Variants in SCARB1 observed in about 807,000 individuals in gnomAD.
SCARB1 encodes the protein scavenger receptor class B member 1.
A neutral mutation model predicts 57.2 loss-of-function variants in SCARB1; 30 were observed. The observed-to-expected ratio is 0.52, with a 90% CI of 0.39 to 0.71. The LOEUF (loss-of-function observed/expected upper bound fraction) is 0.71. SCARB1 is among the 30% of genes least tolerant of loss of function. The probability of loss-of-function intolerance (pLI) is 0.00; values close to 1 mark genes in which losing one functional copy is unlikely to be tolerated. For missense variants in SCARB1, 543 were observed against 671.2 expected (o/e 0.81, Z 2.11); for synonymous variants, 249 against 268.3 (o/e 0.93, Z 0.70).
At chr12:124,843,292 G>C (rs971861354) in intron 1 of SCARB1, among the ~76,000 whole-genome samples, 1 of 119,072 alleles carries the variant, frequency 8.4e-6, no homozygotes, top group African/African-American at 2.7e-5. Flanking sequence ...TGTGGAGATG[G>C]GGGGGGGGGT....
At chr12:124,857,403 G>C (rs1449429351) in intron 1 of SCARB1, among the ~76,000 whole-genome samples, 5 of 152,246 alleles carry the variant, frequency 3.3e-5, no homozygotes, top group African/African-American at 1.2e-4. Flanking sequence ...TTCCCAAAAG[G>C]CACAAACTCA....
At chr12:124,834,503 A>G (rs1443964008) in intron 1 of SCARB1, among the ~76,000 whole-genome samples, 1 of 152,194 alleles carries the variant, frequency 6.6e-6, no homozygotes. Flanking sequence ...TTACTGCCCT[A>G]CAGAACGACT....
In SCARB1 at chr12:124,815,031, G is replaced by A. The variant is rs914728634; in HGVS notation, c.368C>T (p.Pro123Leu). The change falls in exon 3 of 13, where the codon CCC becomes CTC. Residue 123 changes from proline to leucine, a missense_variant. Pro to Leu is a moderately conservative substitution (Grantham distance 98). Coordinates refer to ENST00000261693, the MANE Select transcript of SCARB1 (RefSeq NM_005505.5). ...GCTCTCCGAGCCGTGGGACTTGGAGGGCTGGAACTGGAAGGTGCGGTACTC... is the reference window on the plus strand; with the variant it reads ...GCTCTCCGAGCCGTGGGACTTGGAGAGCTGGAACTGGAAGGTGCGGTACTC... Reference protein sequence around the residue: ...FLEYRTFQFQPSKSHGSESDY... With the variant: ...FLEYRTFQFQLSKSHGSESDY... 4.3e-6 allele frequency: 7 copies of A among 1,614,224 alleles called. No individual in the cohort carries two copies. The highest frequency in any genetic ancestry group is 5.9e-6 in the Non-Finnish European group (7 of 1,180,014).
intron 1 of SCARB1, among the ~76,000 whole-genome samples, chr12:124,859,420 C>T (rs1222137611): frequency 6.6e-6 from 1 of 152,126 alleles, no homozygotes; most frequent in African/African-American, 2.4e-5. Flanking sequence ...AGTCCCAGCT[C>T]CTCAGGAGGC....
At chr12:124,824,939 C>T (rs1247889900) in intron 1 of SCARB1, among the ~76,000 whole-genome samples, 1 of 152,144 alleles carries the variant, frequency 6.6e-6, no homozygotes, top group Non-Finnish European at 1.5e-5. Context: ...AAATGCTGAT[C>T]CCAGGCCAGG....
At chr12:124,854,316 C>T (rs1952544960) in intron 1 of SCARB1, among the ~76,000 whole-genome samples, 2 of 152,182 alleles carry the variant, frequency 1.3e-5, no homozygotes, top group South Asian at 4.1e-4. Context: ...GGCCAGGAGG[C>T]CATTGTGCAA....
At position 124,863,725 on chromosome 12, in the gene SCARB1, G is replaced by C; in HGVS notation, c.-5C>G. 2 of 1,483,984 alleles carry C rather than the reference G, an allele frequency of 1.3e-6. No individual in the cohort carries two copies. The highest frequency in any genetic ancestry group is 9.0e-7 in the Non-Finnish European group (1 of 1,115,026). 91.9% of individuals were successfully genotyped at this position (1,483,984 alleles called of 1,614,324 possible). A position where few individuals can be genotyped will look rare whatever the true frequency, so the allele number is the denominator to read the frequency against. On this transcript the variant is annotated 5_prime_UTR_variant, in exon 1 of 13. Coordinates refer to ENST00000261693, the MANE Select transcript of SCARB1 (RefSeq NM_005505.5). ...CGCTTTGGCGGAGCAGCCCATGTCT[G>C]CGCGCCTGGGGCCCACCCGCGGCTC...
chr12:124,800,042 C>T lies in SCARB1; in HGVS notation c.1128+82G>A. The T allele has an allele frequency of 1.9e-6, 2 of 1,077,046 alleles. No homozygotes were observed. Among genetic ancestry groups the T allele is most frequent in the Non-Finnish European group, 2.9e-6 (2 of 693,448 alleles). The allele number at this position is 1,077,046 out of a possible 1,614,324, so 66.7% of individuals were successfully genotyped here. ...CCCACCACCCCAGCCCACAGCAGCT[C>T]TCTGCCTGGGGAGAGAGGAGGCAGC... On this transcript the variant is annotated intron_variant, in intron 8 of 12. Transcript: ENST00000261693. The surrounding 1 kb of genome is among the most constrained non-coding windows in gnomAD (Gnocchi z 4.8).
In SCARB1 at chr12:124,815,069, G is replaced by A. The variant is rs780008086; in HGVS notation, c.330C>T (p.Thr110=). 14 of 1,613,998 alleles carry A rather than the reference G, an allele frequency of 8.7e-6. No individual in the cohort carries two copies. The highest frequency in any genetic ancestry group is 1.6e-4 in the Middle Eastern group (1 of 6,084). Residue 110 remains threonine, a synonymous_variant, in exon 3 of 13, where the codon ACC becomes ACT. Transcript: ENST00000261693. ...AGGTGCGGTACTCGAGGAAGGACAC[G>A]GTGTCGTTGTTGTTGAAGGTGATGT... ...KSNITFNNND[T]VSFLEYRTFQ... is the part of the protein sequence containing the mutation.
chr12:124,859,631 T>C (rs1952801048), intron 1 of SCARB1, among the ~76,000 whole-genome samples: 1 of 152,220 alleles, frequency 6.6e-6, no homozygotes, highest in Admixed American at 6.5e-5. Flanking sequence ...CCACTTCTGT[T>C]AGTCTCACCT....
chr12:124,792,453 C>T (rs1024420483), intron 9 of SCARB1, among the ~76,000 whole-genome samples: 1 of 152,022 alleles, frequency 6.6e-6, no homozygotes, highest in Non-Finnish European at 1.5e-5. Context: ...GTGAATTAGG[C>T]CCAGCGCAGG....
chr12:124,852,115 C>T (rs1469253219), intron 1 of SCARB1, among the ~76,000 whole-genome samples: 1 of 152,148 alleles, frequency 6.6e-6, no homozygotes, highest in Non-Finnish European at 1.5e-5. Flanking sequence ...CTTCCTGTGG[C>T]CCTTCCACCA....
intron 1 of SCARB1, among the ~76,000 whole-genome samples, chr12:124,850,753 A>AC (rs1952362479): frequency 6.6e-6 from 1 of 152,240 alleles, no homozygotes; most frequent in Non-Finnish European, 1.5e-5. Context: ...AGGCCTTGGT[A>AC]AACAGAATAG....
rs1035340307 is a variant in SCARB1, at chr12:124,778,486, G to A, written c.*101C>T. On this transcript the variant is annotated 3_prime_UTR_variant, in exon 13 of 13. Coordinates refer to ENST00000261693, the MANE Select transcript of SCARB1 (RefSeq NM_005505.5). ...GGAGGCTCAGGCTGTGGGGCTGGGGGGCTGTCCGCTGGGAGAGTCCGGGAG... is the reference window on the plus strand; with the variant it reads ...GGAGGCTCAGGCTGTGGGGCTGGGGAGCTGTCCGCTGGGAGAGTCCGGGAG... 1.5e-6 allele frequency: 2 copies of A among 1,351,304 alleles called. No individual in the cohort carries two copies. Among genetic ancestry groups the A allele is most frequent in the Non-Finnish European group, 1.9e-6 (2 of 1,049,848 alleles). 83.7% of individuals were successfully genotyped at this position (1,351,304 alleles called of 1,614,324 possible). A position where few individuals can be genotyped will look rare whatever the true frequency, so the allele number is the denominator to read the frequency against.
At chr12:124,856,038 G>A (rs983213013) in intron 1 of SCARB1, among the ~76,000 whole-genome samples, 1 of 152,252 alleles carries the variant, frequency 6.6e-6, no homozygotes, top group Non-Finnish European at 1.5e-5. Context: ...TAGTTAATCA[G>A]GGTGCATCTC....
chr12:124,815,132 G>A lies in SCARB1; in HGVS notation c.285-18C>T, dbSNP rs748277525. The A allele has an allele frequency of 4.3e-6, 7 of 1,612,212 alleles. No individual in the cohort carries two copies. Among genetic ancestry groups the A allele is most frequent in the Non-Finnish European group, 5.9e-6 (7 of 1,179,912 alleles). ...TGAACTCCCTGTGGGGGAAGCCAGT[G>A]GGTCAGACGCCCCGCCCCGCTGCAT... On this transcript the variant is annotated intron_variant, in intron 2 of 12. Transcript: ENST00000261693.
Position 124,795,221 on chromosome 12 carries a change from G to C in SCARB1, c.1176C>G (p.Leu392=). 7 of 1,613,998 alleles carry C rather than the reference G, an allele frequency of 4.3e-6. No homozygotes were observed. The highest frequency in any genetic ancestry group is 5.9e-6 in the Non-Finnish European group (7 of 1,179,902). Residue 392 remains leucine, a synonymous_variant, in exon 9 of 13, where the codon CTC becomes CTG. Coordinates refer to ENST00000261693, the MANE Select transcript of SCARB1 (RefSeq NM_005505.5). ...MNCSVKLQLS[L]YMKSVAGIGQ... is the part of the protein sequence containing the mutation. ...CAATGCCTGCGACAGATTTCATGTA[G>C]AGGCTCAGCTGCAGTTTCACAGAGC... is the stretch of plus-strand genomic sequence containing the variant.
chr12:124,831,635 G>A (rs1951395857), intron 1 of SCARB1, among the ~76,000 whole-genome samples: 1 of 152,030 alleles, frequency 6.6e-6, no homozygotes, highest in East Asian at 1.9e-4. Flanking sequence ...CTCTTTACCA[G>A]CAAAGGGGCT....
intron 6 of SCARB1, among the ~76,000 whole-genome samples, chr12:124,809,120 AT>A (rs1392075364): frequency 6.6e-6 from 1 of 151,734 alleles, no homozygotes; most frequent in Non-Finnish European, 1.5e-5. Context: ...CCCACTGAGT[AT>A]TTGGAGGTAA....
Sources: gnomAD v4.1 joint callset for allele counts (sites outside exome capture counted in the v4.1 genomes callset) on GRCh38, gnomAD v4.1.1 for gene constraint, Gnocchi (gnomAD v3.1) non-coding constraint, MANE v1.5 for transcripts, NCBI Gene and HGNC (gene_info 2026-07-23, HGNC 2026-07-21) for gene names.